The following TIAM1 variants were observed in gnomAD, a reference collection of about 807,000 sequenced individuals.
TIAM1 encodes rho guanine nucleotide exchange factor TIAM1.
TIAM1 carries 65 observed loss-of-function variants against 163.5 expected under a neutral mutation model. The observed-to-expected ratio is 0.40, with a 90% CI of 0.33 to 0.49. The LOEUF (loss-of-function observed/expected upper bound fraction) is 0.49. Among genes scored for constraint, TIAM1 ranks in the 20% least tolerant of loss-of-function variants. The probability of loss-of-function intolerance (pLI) is 0.77; values close to 1 mark genes in which losing one functional copy is unlikely to be tolerated. For missense variants in TIAM1, 1,789 were observed against 2,044.7 expected (o/e 0.87, Z 2.41); for synonymous variants, 833 against 810.1 (o/e 1.03, Z -0.48).
At position 31,164,823 on chromosome 21, in the gene TIAM1, C is replaced by T. The variant is rs900737870; in HGVS notation, c.2991+139G>A. The T allele has an allele frequency of 1.2e-5, 9 of 739,362 alleles. No homozygotes were observed. The African/African-American group carries it at 1.6e-4, about 13-fold the overall frequency. The allele number at this position is 739,362 out of a possible 1,614,324, so 45.8% of individuals were successfully genotyped here. On this transcript the variant is annotated intron_variant, in intron 16 of 27. Transcript: ENST00000541036. Reference sequence around the variant, plus strand: ...GCTATAATTTGGATTTCATTTCCTGCTATTCAGCAACATCTCAGAAGCAAA... The same window carrying T: ...GCTATAATTTGGATTTCATTTCCTGTTATTCAGCAACATCTCAGAAGCAAA...
intron 1 of TIAM1, among the ~76,000 whole-genome samples, chr21:31,481,964 A>T (rs1020911789): frequency 6.6e-6 from 1 of 151,836 alleles, no homozygotes; most frequent in Non-Finnish European, 1.5e-5. Context: ...CCTCATCCCG[A>T]AGCTATCAAG....
chr21:31,336,436 C>A (rs1476203560), intron 2 of TIAM1, among the ~76,000 whole-genome samples: 1 of 150,880 alleles, frequency 6.6e-6, no homozygotes, highest in Admixed American at 6.6e-5. Flanking sequence ...TGTGAAAATA[C>A]ACACACAGGC....
chr21:31,189,118 G>A lies in TIAM1; in HGVS notation c.2576-2031C>T, dbSNP rs185221947. Among the ~76,000 whole-genome samples the A allele has an allele frequency of 1.1e-4, 15 of 132,024 alleles. No individual in the cohort carries two copies. In the East Asian group the frequency reaches 2.3e-3, roughly 20 times the overall value. The allele number at this position is 132,024 out of a possible 152,430, so 86.6% of individuals were successfully genotyped here. A position where few individuals can be genotyped will look rare whatever the true frequency, so the allele number is the denominator to read the frequency against. On this transcript the variant is annotated intron_variant, in intron 13 of 27. Coordinates refer to ENST00000541036, the MANE Select transcript of TIAM1 (RefSeq NM_001353694.2). ...TGTCTAGGCTGGAGTGGAGTGGTGC[G>A]ATCTCAGCTCACTACAACCTCTGCC...
In TIAM1 at chr21:31,120,206, G is replaced by A. The variant is rs183034760; in HGVS notation, c.*162C>T. 4.8e-6 allele frequency: 3 copies of A among 629,262 alleles called. No homozygotes were observed. In the Admixed American group the frequency reaches 9.7e-5, roughly 20 times the overall value. The allele number at this position is 629,262 out of a possible 1,614,324, so 39.0% of individuals were successfully genotyped here. On this transcript the variant is annotated 3_prime_UTR_variant, in exon 28 of 28. Transcript: ENST00000541036. The surrounding 1 kb of genome is among the most constrained non-coding windows in gnomAD (Gnocchi z 4.2). Reference sequence around the variant, plus strand: ...AATTCTTTCTGATGTTGTTGAAAATGACAAAGTTGGGTGGCTACATGGCTT... The same window carrying A: ...AATTCTTTCTGATGTTGTTGAAAATAACAAAGTTGGGTGGCTACATGGCTT...
intron 12 of TIAM1, among the ~76,000 whole-genome samples, chr21:31,201,951 A>C (rs2086222826): frequency 6.6e-6 from 1 of 152,184 alleles, no homozygotes; most frequent in African/African-American, 2.4e-5. Context: ...TATTATCTCT[A>C]ATCTTTGTAA....
chr21:31,472,657 T>G (rs1258967023), intron 1 of TIAM1, among the ~76,000 whole-genome samples: 1 of 152,246 alleles, frequency 6.6e-6, no homozygotes, highest in African/African-American at 2.4e-5. Context: ...CTCCAGATAC[T>G]GGCACCACCA....
chr21:31,150,004 T>A (rs1050386896), intron 19 of TIAM1, among the ~76,000 whole-genome samples: 2 of 152,148 alleles, frequency 1.3e-5, no homozygotes, highest in Non-Finnish European at 2.9e-5. Flanking sequence ...CATACATGCA[T>A]AATGTACACA....
At chr21:31,416,007 T>A (rs141560432) in intron 2 of TIAM1, among the ~76,000 whole-genome samples, 3 of 152,314 alleles carry the variant, frequency 2.0e-5, no homozygotes, top group African/African-American at 7.2e-5. Context: ...AGGCAGGACA[T>A]AGATTTCATT....
intron 2 of TIAM1, among the ~76,000 whole-genome samples, chr21:31,384,091 C>A (rs149788684): frequency 6.6e-6 from 1 of 152,074 alleles, no homozygotes; most frequent in African/African-American, 2.4e-5. Context: ...ATTCTTGTAA[C>A]GCACTCTGGG....
At chr21:31,468,433 A>G (rs1361252802) in intron 1 of TIAM1, among the ~76,000 whole-genome samples, 1 of 151,614 alleles carries the variant, frequency 6.6e-6, no homozygotes, top group Non-Finnish European at 1.5e-5. Flanking sequence ...CAGTGAGCGA[A>G]GATCACACCA....
chr21:31,215,555 C>CT (rs2087137730), intron 9 of TIAM1, among the ~76,000 whole-genome samples: 1 of 122,130 alleles, frequency 8.2e-6, no homozygotes, highest in Non-Finnish European at 1.6e-5. Context: ...GAGTGAGACT[C>CT]TGTCTCAAAA....
At chr21:31,362,682 GTCACGAACTCTTGACC>G (rs2076428490) in intron 2 of TIAM1, among the ~76,000 whole-genome samples, 2 of 151,894 alleles carry the variant, frequency 1.3e-5, no homozygotes, top group Admixed American at 1.3e-4. Flanking sequence ...GGCCAGGCTG[GTCACGAACTCTTGACC>G]TCAAGTGATC....
At chr21:31,492,339 G>T (rs1383623340) in intron 1 of TIAM1, among the ~76,000 whole-genome samples, 3 of 152,166 alleles carry the variant, frequency 2.0e-5, no homozygotes, top group Admixed American at 6.5e-5. Context: ...ACTGAAAGCT[G>T]ATCTTCACAG....
In TIAM1 at chr21:31,418,341, C is replaced by CAAAAA. The variant is rs71193114; in HGVS notation, c.-369+45637_-369+45641dup. Reference sequence around the variant, plus strand: ...TGGGCGACAGAGCGAGACTCTGTCTCAAAAAAAAAAAAAAAAAAAAAAAAA... The same window carrying CAAAAA: ...TGGGCGACAGAGCGAGACTCTGTCTCAAAAAAAAAAAAAAAAAAAAAAAAAAAAAA... On this transcript the variant is annotated intron_variant, in intron 2 of 28. Transcript: ENST00000286827. 1.1e-3 allele frequency among the ~76,000 whole-genome samples: 39 copies of CAAAAA among 34,720 alleles called. 1 individual carries two copies. The highest frequency in any genetic ancestry group is 6.0e-4 in the African/African-American group (6 of 10,038). The allele number at this position is 34,720 out of a possible 152,430, so 22.8% of individuals were successfully genotyped here. A position where few individuals can be genotyped will look rare whatever the true frequency, so the allele number is the denominator to read the frequency against.
intron 1 of TIAM1, among the ~76,000 whole-genome samples, chr21:31,545,068 T>C (rs535583636): frequency 2.6e-5 from 4 of 152,162 alleles, no homozygotes; most frequent in Non-Finnish European, 5.9e-5. Context: ...TGTGAGCTTC[T>C]TTGGAAACAG....
chr21:31,132,387 G>A (rs1456968543), intron 23 of TIAM1, among the ~76,000 whole-genome samples: 1 of 152,136 alleles, frequency 6.6e-6, no homozygotes, highest in Non-Finnish European at 1.5e-5. Flanking sequence ...CCAGAGCACA[G>A]ACTGGCAGGT....
chr21:31,261,926 G>A (rs948686054), intron 4 of TIAM1, among the ~76,000 whole-genome samples: 4 of 152,102 alleles, frequency 2.6e-5, no homozygotes, highest in Admixed American at 1.3e-4. Context: ...CAACCTGGCC[G>A]TGTTCCTTCA....
chr21:31,517,437 A>C (rs1457114838), intron 1 of TIAM1, among the ~76,000 whole-genome samples: 3 of 152,198 alleles, frequency 2.0e-5, no homozygotes, highest in African/African-American at 7.2e-5. Flanking sequence ...TGATACTATT[A>C]CTATGATTAC....
intron 2 of TIAM1, among the ~76,000 whole-genome samples, chr21:31,297,084 C>T (rs1249580125): frequency 6.6e-6 from 1 of 152,176 alleles, no homozygotes; most frequent in Admixed American, 6.5e-5. Context: ...ATGCACCCTT[C>T]CAACTTCATG....
Sources: allele counts gnomAD v4.1 joint callset (sites outside exome capture counted in the v4.1 genomes callset), GRCh38; gene constraint gnomAD v4.1.1; non-coding constraint Gnocchi (gnomAD v3.1); transcripts MANE v1.5; gene names NCBI Gene and HGNC (gene_info 2026-07-23, HGNC 2026-07-21).